STX5: variants seen among roughly 807,000 people sequenced by gnomAD.
STX5 encodes the protein syntaxin 5, also known as syntaxin-5.
STX5 carries 15 observed loss-of-function variants against 42.9 expected under a neutral mutation model. That is an observed-to-expected ratio of 0.35 (90% CI 0.23 to 0.54). STX5 has a LOEUF of 0.54. STX5 is among the 20% of genes least tolerant of loss of function. STX5 has a pLI of 0.91. For synonymous variants in STX5, 184 were observed against 173.2 expected (o/e 1.06, Z -0.49); for missense variants, 430 against 455.0 (o/e 0.95, Z 0.50).
At chr11:62,820,764 C>A (rs1180051322) in intron 10 of STX5, among the ~76,000 whole-genome samples, 4 of 151,944 alleles carry the variant, frequency 2.6e-5, no homozygotes, top group Non-Finnish European at 4.4e-5. Context: ...CCTGCCTCGG[C>A]CTCCCAAAGT....
At chr11:62,820,983 C>T (rs966248885) in intron 10 of STX5, among the ~76,000 whole-genome samples, 7 of 151,984 alleles carry the variant, frequency 4.6e-5, no homozygotes, top group Non-Finnish European at 1.0e-4. Flanking sequence ...ACAAAATACA[C>T]CTTATTAACT....
intron 8 of STX5, 81 bp downstream of exon 8, chr11:62,824,955 A>C: frequency 7.0e-7 from 1 of 1,426,942 alleles, no homozygotes; most frequent in Non-Finnish European, 9.8e-7. Context: ...CTCCTACCCA[A>C]CCCGTGCCTT....
At chr11:62,830,888 A>G (rs2084849446) in intron 2 of STX5, 131 bp downstream of exon 2, 1 of 878,690 alleles carries the variant, frequency 1.1e-6, no homozygotes, top group Non-Finnish European at 1.9e-6. Context: ...AGCAGACCCT[A>G]CAGGCCCCAT....
intron 10 of STX5, among the ~76,000 whole-genome samples, chr11:62,819,203 A>T (rs1384425477): frequency 1.7e-5 from 2 of 118,418 alleles, no homozygotes; most frequent in African/African-American, 6.3e-5. Context: ...CCTGGGCAAC[A>T]GAGTGAGACT....
At chr11:62,827,250 A>G in intron 4 of STX5, 25 bp from the exon 5 acceptor site, 1 of 1,614,126 alleles carries the variant, frequency 6.2e-7, no homozygotes, top group South Asian at 1.1e-5. Context: ...AAGAAGCCAC[A>G]ATGGGTGAGG....
intron 10 of STX5, among the ~76,000 whole-genome samples, chr11:62,816,266 G>T (rs1230585058): frequency 6.6e-6 from 1 of 152,018 alleles, no homozygotes; most frequent in Non-Finnish European, 1.5e-5. Context: ...CAACTTACTG[G>T]TAAACTTAAA....
intron 10 of STX5, among the ~76,000 whole-genome samples, chr11:62,813,442 A>T: frequency 6.6e-6 from 1 of 152,138 alleles, no homozygotes; most frequent in Non-Finnish European, 1.5e-5. Flanking sequence ...CCCCCTATGG[A>T]ATTTGTAAAA....
intron 5 of STX5, 73 bp from the exon 6 acceptor site, chr11:62,825,612 T>A: frequency 7.4e-7 from 1 of 1,344,466 alleles, no homozygotes; most frequent in Non-Finnish European, 1.1e-6. Flanking sequence ...ACGATGGCCA[T>A]CTCTGGTAGG....
At chr11:62,813,868 C>T (rs1019158262) in intron 10 of STX5, among the ~76,000 whole-genome samples, 2 of 152,150 alleles carry the variant, frequency 1.3e-5, no homozygotes, top group Non-Finnish European at 2.9e-5. Context: ...CTCTTAGAGC[C>T]AAGCCTTGAT....
At position 62,830,572 on chromosome 11, in the gene STX5, T is replaced by C. The variant is rs116941144; in HGVS notation, c.225+447A>G. ...TCAAAACAAAACAAAAACAACAAAT[T>C]ACTTATCTAGAAAATGTCCTTAATC... is the stretch of plus-strand genomic sequence containing the variant. On this transcript the variant is annotated intron_variant, in intron 2 of 10. Transcript: ENST00000294179. 1.8e-4 allele frequency: 83 copies of C among 458,916 alleles called. 1 individual carries two copies. The East Asian group carries it at 4.2e-3, about 23-fold the overall frequency. 28.4% of individuals were successfully genotyped at this position (458,916 alleles called of 1,614,324 possible).
At chr11:62,819,581 A>T (rs867203444) in intron 10 of STX5, among the ~76,000 whole-genome samples, 2 of 151,740 alleles carry the variant, frequency 1.3e-5, no homozygotes, top group Non-Finnish European at 2.9e-5. Context: ...GCAGTGGCCC[A>T]ATCTCTGCTC....
At chr11:62,831,820 G>A in intron 1 of STX5, 134 bp downstream of exon 1, 1 of 436,722 alleles carries the variant, frequency 2.3e-6, no homozygotes, top group Non-Finnish European at 4.6e-6. Context: ...CAAGGAATTC[G>A]CTCACCCGGA....
rs1253092078 is a variant in STX5 at position 62,831,945 on chromosome 11, G to A, written c.-20+9C>T. On this transcript the variant is annotated intron_variant, in intron 1 of 10. Coordinates refer to ENST00000294179, the MANE Select transcript of STX5 (RefSeq NM_003164.5). ...CGGCGGCCAGATCCCCTCTTAAAGC[G>A]AATCTTACCTCCCCTCTGCCGCCTG... The A allele has an allele frequency of 2.2e-6, 1 of 458,340 alleles. No individual in the cohort carries two copies. Among genetic ancestry groups the A allele is most frequent in the Non-Finnish European group, 4.4e-6 (1 of 228,876 alleles). 28.4% of individuals were successfully genotyped at this position (458,340 alleles called of 1,614,324 possible). A position where few individuals can be genotyped will look rare whatever the true frequency, so the allele number is the denominator to read the frequency against.
intron 10 of STX5, among the ~76,000 whole-genome samples, chr11:62,813,963 T>A (rs1288941095): frequency 6.6e-6 from 1 of 152,202 alleles, no homozygotes; most frequent in African/African-American, 2.4e-5. Context: ...TTATCATTTT[T>A]AAATTTATCC....
intron 10 of STX5, among the ~76,000 whole-genome samples, chr11:62,813,884 C>T (rs1377433498): frequency 6.6e-6 from 1 of 152,130 alleles, no homozygotes; most frequent in Non-Finnish European, 1.5e-5. Context: ...TTGATTTATG[C>T]CCCGGAGCCC....
At position 62,814,805 on chromosome 11, in the gene STX5, G is replaced by T. The variant is rs189058258; in HGVS notation, c.909-7177C>A. 5.5e-4 allele frequency among the ~76,000 whole-genome samples: 83 copies of T among 150,214 alleles called. No homozygotes were observed. In the East Asian group the frequency reaches 0.015, roughly 27 times the overall value. On this transcript the variant is annotated intron_variant, in intron 10 of 10. Coordinates refer to ENST00000294179, the MANE Select transcript of STX5 (RefSeq NM_003164.5). ...AACGGGGTTGCTCCATGTTGGTCAG[G>T]CTGGTCTCCAGCTCCCGACCTCAGG...
chr11:62,824,519 A>C lies in STX5; in HGVS notation c.726T>G (p.Asp242Glu). Reference sequence around the variant, plus strand: ...GAGAGTCCATCATGTCGATGGCGACATCCTTGGAGGCATGGGACTCTGCCC... The same window carrying C: ...GAGAGTCCATCATGTCGATGGCGACCTCCTTGGAGGCATGGGACTCTGCCC... ...VLGAESHASK[D>E]VAIDMMDSRT... The change falls in exon 9 of 11, where the codon GAT (aspartate) becomes GAG (glutamate). Residue 242 changes from aspartate (D) to glutamate (E), a missense_variant. Asp to Glu is a conservative substitution (Grantham distance 45). Coordinates refer to ENST00000294179, the MANE Select transcript of STX5 (RefSeq NM_003164.5). 1 of 1,614,208 alleles carries C rather than the reference A, an allele frequency of 6.2e-7. No homozygotes were observed. Among genetic ancestry groups the C allele is most frequent in the South Asian group, 1.1e-5 (1 of 91,080 alleles).
At chr11:62,822,073 AT>A (rs1403001310) in intron 10 of STX5, among the ~76,000 whole-genome samples, 1 of 151,720 alleles carries the variant, frequency 6.6e-6, no homozygotes, top group Non-Finnish European at 1.5e-5. Flanking sequence ...ATAAAGTTAA[AT>A]GTATTTGGCC....
At chr11:62,813,117 G>T (rs2084636587) in intron 10 of STX5, among the ~76,000 whole-genome samples, 1 of 145,660 alleles carries the variant, frequency 6.9e-6, no homozygotes, top group East Asian at 2.1e-4. Context: ...AAAAAAATCA[G>T]TCAATTATTA....
Sources: gnomAD v4.1 joint callset for allele counts (sites outside exome capture counted in the v4.1 genomes callset) on GRCh38, gnomAD v4.1.1 for gene constraint, MANE v1.5 for transcripts, NCBI Gene and HGNC (gene_info 2026-07-23, HGNC 2026-07-21) for gene names.